Variants in HERC1 observed in about 807,000 individuals in gnomAD.
The protein encoded by HERC1 is probable E3 ubiquitin-protein ligase HERC1.
A neutral mutation model predicts 554.3 loss-of-function variants in HERC1; 160 were observed. The ratio of observed to expected loss-of-function variants is 0.29; its 90% CI spans 0.25 to 0.33. The LOEUF is 0.33. Ranked by LOEUF, HERC1 falls within the 10% of genes least tolerant of loss-of-function variation. HERC1 has a pLI of 1.00. For missense variants in HERC1, 4,919 were observed against 5,918.5 expected (o/e 0.83, Z 5.54); for synonymous variants, 2,175 against 2,131.7 (o/e 1.02, Z -0.56).
At chr15:63,640,608 C>T (rs1325305050) in intron 60 of HERC1, among the ~76,000 whole-genome samples, 163 bp from the exon 61 acceptor site, 1 of 152,118 alleles carries the variant, frequency 6.6e-6, no homozygotes, top group Admixed American at 6.6e-5. Context: ...ACAGATAGTA[C>T]CGAGGATTTC....
At position 63,694,432 on chromosome 15, in the gene HERC1, C is replaced by CCA. The variant is rs1446100637; in HGVS notation, c.5358_5359dup (p.Gly1787ValfsTer7). On this transcript the variant is annotated frameshift_variant, in exon 29 of 78. Transcript: ENST00000443617. LOFTEE classifies it high-confidence loss of function. The surrounding 1 kb of genome is among the most constrained non-coding windows in gnomAD (Gnocchi z 4.3). ...GGGCTGTCCTAGCATGGTGTCTGTA[C>CCA]CACACAACTGTGACAATACGTTTAG... 6.2e-7 allele frequency: 1 copy of CCA among 1,613,816 alleles called. No individual in the cohort carries two copies. The highest frequency in any genetic ancestry group is 1.1e-5 in the South Asian group (1 of 91,086).
At position 63,775,721 on chromosome 15, in the gene HERC1, A is replaced by T. The variant is rs1396460412; in HGVS notation, c.-26-72T>A. On this transcript the variant is annotated intron_variant, in intron 1 of 77. Coordinates refer to ENST00000443617, the MANE Select transcript of HERC1 (RefSeq NM_003922.4). The surrounding 1 kb of genome is among the most constrained non-coding windows in gnomAD (Gnocchi z 4.0). ...TAAAATGTTTCCAAAATTTCATCTT[A>T]CATTACAATTAATGATTTCAAACTG... The T allele has an allele frequency of 3.0e-6, 3 of 1,013,162 alleles. No individual in the cohort carries two copies. The African/African-American group carries it at 4.8e-5, about 16-fold the overall frequency. The allele number at this position is 1,013,162 out of a possible 1,614,324, so 62.8% of individuals were successfully genotyped here.
intron 74 of HERC1, among the ~76,000 whole-genome samples, chr15:63,621,341 T>G (rs1360931509): frequency 1.3e-5 from 2 of 152,254 alleles, no homozygotes; most frequent in East Asian, 3.8e-4. Flanking sequence ...TTCTGGCTTG[T>G]AGAGTTTCTG....
At chr15:63,807,354 T>C (rs1291751195) in intron 1 of HERC1, among the ~76,000 whole-genome samples, 2 of 151,340 alleles carry the variant, frequency 1.3e-5, no homozygotes, top group Non-Finnish European at 2.9e-5. Context: ...GAAATTGGGG[T>C]TTTCATTTCT....
At position 63,706,841 on chromosome 15, in the gene HERC1, G is replaced by A. The variant is rs2073032125; in HGVS notation, c.4585-10C>T. 3.3e-6 allele frequency: 5 copies of A among 1,505,886 alleles called. No individual in the cohort carries two copies. The highest frequency in any genetic ancestry group is 3.6e-6 in the Non-Finnish European group (4 of 1,112,058). 93.3% of individuals were successfully genotyped at this position (1,505,886 alleles called of 1,614,324 possible). A position where few individuals can be genotyped will look rare whatever the true frequency, so the allele number is the denominator to read the frequency against. ...CATTTCGTCTGCCACTCTATTAAAA[G>A]TAAAAAGTAAATAAATAAAATTTAG... On this transcript the variant is annotated splice_polypyrimidine_tract_variant and intron_variant, in intron 24 of 77. Transcript: ENST00000443617.
intron 12 of HERC1, among the ~76,000 whole-genome samples, chr15:63,741,841 A>G (rs995303607): frequency 3.9e-5 from 6 of 152,190 alleles, no homozygotes; most frequent in African/African-American, 7.2e-5. Flanking sequence ...ATTGATCTAT[A>G]TATTTATCCT....
At chr15:63,707,861 G>A (rs897632146) in intron 24 of HERC1, among the ~76,000 whole-genome samples, 5 of 149,702 alleles carry the variant, frequency 3.3e-5, no homozygotes, top group Admixed American at 2.7e-4. Flanking sequence ...CCCAGGAGGC[G>A]GAGGTTGCAG....
rs550166723 is a variant in HERC1 at position 63,746,998 on chromosome 15, T to A, written c.2440A>T (p.Ile814Phe). 1.3e-6 allele frequency: 2 copies of A among 1,576,776 alleles called. No homozygotes were observed. Among genetic ancestry groups the A allele is most frequent in the African/African-American group, 2.7e-5 (2 of 74,016 alleles). Residue 814 changes from isoleucine (I) to phenylalanine (F), a missense_variant, in exon 12 of 78, where the codon ATT becomes TTT. By Grantham distance (21) the Ile-to-Phe change is conservative (BLOSUM62 0). Around this residue, in one of 11 missense-constraint regions of HERC1, gnomAD observed 744 missense variants for 1,090.0 expected, o/e 0.68. Coordinates refer to ENST00000443617, the MANE Select transcript of HERC1 (RefSeq NM_003922.4). The stretch of plus-strand genomic sequence containing the variant: ...AGTGGACCTGCCTGCCTCCCGAGAA[T>A]GCTGGTAGCTACCCCTCCCGCAAGT... ...LALAGGVATSILGRQAGPLRN... is the reference protein window; with the variant it reads ...LALAGGVATSFLGRQAGPLRN...
intron 12 of HERC1, among the ~76,000 whole-genome samples, chr15:63,743,901 T>C (rs1343995356): frequency 1.3e-5 from 2 of 152,198 alleles, no homozygotes; most frequent in Non-Finnish European, 2.9e-5. Flanking sequence ...ATTGTAGTCT[T>C]CACTGTCTGG....
intron 1 of HERC1, among the ~76,000 whole-genome samples, chr15:63,823,550 C>A (rs1256171182): frequency 6.6e-6 from 1 of 152,176 alleles, no homozygotes; most frequent in Non-Finnish European, 1.5e-5. Flanking sequence ...TGCCCGTGAC[C>A]TTTCTCAACT....
At chr15:63,813,699 C>A (rs1441226728) in intron 1 of HERC1, among the ~76,000 whole-genome samples, 1 of 152,128 alleles carries the variant, frequency 6.6e-6, no homozygotes, top group Non-Finnish European at 1.5e-5. Flanking sequence ...CCATTGTATG[C>A]CTGTGTTTCT....
At position 63,621,061 on chromosome 15, in the gene HERC1, G is replaced by A. The variant is rs1241688035; in HGVS notation, c.13688+1754C>T. The stretch of plus-strand genomic sequence containing the variant: ...ATGATATTAGCTGGTTATTTTGCTC[G>A]TTAGTTGATGCAGTTTCTTCCTAGC... On this transcript the variant is annotated intron_variant, in intron 74 of 77. Coordinates refer to ENST00000443617, the MANE Select transcript of HERC1 (RefSeq NM_003922.4). 7.2e-5 allele frequency among the ~76,000 whole-genome samples: 11 copies of A among 152,258 alleles called. No homozygotes were observed. The East Asian group carries it at 1.3e-3, about 19-fold the overall frequency.
At chr15:63,642,570 T>C (rs1203361228) in intron 59 of HERC1, among the ~76,000 whole-genome samples, 4 of 152,192 alleles carry the variant, frequency 2.6e-5, no homozygotes, top group East Asian at 3.9e-4. Context: ...ACTCAGGACC[T>C]TGAGCAATCT....
At chr15:63,699,294 A>C (rs2072596399) in intron 25 of HERC1, among the ~76,000 whole-genome samples, 1 of 152,248 alleles carries the variant, frequency 6.6e-6, no homozygotes, top group African/African-American at 2.4e-5. Context: ...CTGTTCTCAA[A>C]ATGCTTAGCT....
At chr15:63,631,697 C>T (rs1275123901) in intron 68 of HERC1, among the ~76,000 whole-genome samples, 7 of 152,180 alleles carry the variant, frequency 4.6e-5, no homozygotes, top group African/African-American at 9.7e-5. Context: ...CCTGCCACCA[C>T]GCTCGGCTAA....
chr15:63,670,732 A>C (rs1419081707), intron 39 of HERC1, among the ~76,000 whole-genome samples: 1 of 152,120 alleles, frequency 6.6e-6, no homozygotes, highest in East Asian at 1.9e-4. Context: ...TGAATTCTGT[A>C]ATTGCCAGAG....
intron 67 of HERC1, among the ~76,000 whole-genome samples, chr15:63,633,445 A>T (rs1421210405): frequency 1.3e-5 from 2 of 152,194 alleles, no homozygotes; most frequent in African/African-American, 4.8e-5. Context: ...TTGTTTTCTT[A>T]AAAGGAGACG....
chr15:63,678,104 C>T lies in HERC1; in HGVS notation c.6811G>A (p.Glu2271Lys). Residue 2271 changes from glutamate (E) to lysine (K), a missense_variant, in exon 37 of 78, where the codon GAG (glutamate) becomes AAG (lysine). By Grantham distance (56) the Glu-to-Lys change is moderately conservative. Coordinates refer to ENST00000443617, the MANE Select transcript of HERC1 (RefSeq NM_003922.4). ...TCTTCCTCTTTGCTCTCCTTCTCCT[C>T]TCTCATTTCATTTTCCTCTCGGCTC... ...VQSREENEMR[E>K]EKESKEEEKG... is the part of the protein sequence containing the mutation. 6.2e-7 allele frequency: 1 copy of T among 1,613,996 alleles called. No individual in the cohort carries two copies. Among genetic ancestry groups the T allele is most frequent in the Non-Finnish European group, 8.5e-7 (1 of 1,179,878 alleles).
chr15:63,673,837 G>A, intron 38 of HERC1, among the ~76,000 whole-genome samples: 1 of 152,192 alleles, frequency 6.6e-6, no homozygotes, highest in East Asian at 1.9e-4. Context: ...ATATTCTACT[G>A]CCTTAGCTTC....
Sources: gnomAD v4.1 joint callset for allele counts (sites outside exome capture counted in the v4.1 genomes callset) on GRCh38, gnomAD v4.1.1 for gene constraint, gnomAD v4.1.1 regional missense constraint, Gnocchi (gnomAD v3.1) non-coding constraint, MANE v1.5 for transcripts, NCBI Gene and HGNC (gene_info 2026-07-23, HGNC 2026-07-21) for gene names.